WDFY4: variants seen among roughly 807,000 people sequenced by gnomAD.
WDFY4 encodes the protein WDFY family member 4.
A neutral mutation model predicts 351.9 loss-of-function variants in WDFY4; 169 were observed. The ratio of observed to expected loss-of-function variants is 0.48; its 90% confidence interval spans 0.42 to 0.55. The LOEUF is 0.55. Ranked by LOEUF, WDFY4 falls within the 20% of genes least tolerant of loss-of-function variation. WDFY4 has a pLI of 0.00. For missense variants in WDFY4, 3,803 were observed against 3,935.6 expected (o/e 0.97, Z 0.90); for synonymous variants, 1,622 against 1,574.6 (o/e 1.03, Z -0.71).
intron 11 of WDFY4, among the ~76,000 whole-genome samples, chr10:48,741,590 T>C (rs2064852693): frequency 1.3e-5 from 2 of 152,178 alleles, no homozygotes; most frequent in South Asian, 4.1e-4. Context: ...CATGTTTTTC[T>C]GAGCTACCAG....
chr10:48,910,360 C>T, intron 47 of WDFY4: 2 of 1,010,020 alleles, frequency 2.0e-6, no homozygotes, highest in South Asian at 2.5e-5. Context: ...CATGCCTGAC[C>T]TTCAGGATGG....
At chr10:48,849,827 C>A (rs1006077721) in intron 39 of WDFY4, among the ~76,000 whole-genome samples, 1 of 152,166 alleles carries the variant, frequency 6.6e-6, no homozygotes, top group Non-Finnish European at 1.5e-5. Context: ...TATCTGCTAA[C>A]CCAGAATTCA....
intron 43 of WDFY4, among the ~76,000 whole-genome samples, chr10:48,882,134 C>A (rs2070276290): frequency 6.6e-6 from 1 of 152,166 alleles, no homozygotes; most frequent in South Asian, 2.1e-4. Flanking sequence ...TGCAGCCAGG[C>A]CTGGGTCTGC....
At chr10:48,749,500 C>G (rs1430236308) in intron 12 of WDFY4, among the ~76,000 whole-genome samples, 4 of 152,010 alleles carry the variant, frequency 2.6e-5, no homozygotes, top group Non-Finnish European at 5.9e-5. Context: ...CATACAGACA[C>G]CACACGACAC....
At chr10:48,981,638 A>G (rs1296713653) in intron 61 of WDFY4, among the ~76,000 whole-genome samples, 160 bp downstream of exon 61, 2 of 152,244 alleles carry the variant, frequency 1.3e-5, no homozygotes, top group African/African-American at 4.8e-5. Context: ...GTGGCCATAT[A>G]GAGCCCCAGG....
At chr10:48,783,446 C>T (rs930936057) in intron 19 of WDFY4, among the ~76,000 whole-genome samples, 2 of 151,174 alleles carry the variant, frequency 1.3e-5, no homozygotes, top group South Asian at 2.1e-4. Context: ...ATATGCAGGG[C>T]CAATTGTACA....
intron 23 of WDFY4, among the ~76,000 whole-genome samples, chr10:48,793,131 A>G (rs2066738105): frequency 6.6e-6 from 1 of 152,212 alleles, no homozygotes; most frequent in African/African-American, 2.4e-5. Context: ...AATTGATCAA[A>G]TGCTTCCTAA....
In WDFY4 at chr10:48,820,321, A is replaced by C; in HGVS notation, c.5593A>C (p.Thr1865Pro). The change falls in exon 33 of 62, where the codon ACC (threonine) becomes CCC (proline). Residue 1865 changes from threonine (T) to proline (P), a missense_variant. Coordinates refer to ENST00000325239, the MANE Select transcript of WDFY4 (RefSeq NM_001394531.1). ...DSTVEGLQAPTKAHPARRKLR... is the reference protein window; with the variant it reads ...DSTVEGLQAPPKAHPARRKLR... ...CACAGTGGAGGGTCTCCAGGCTCCC[A>C]CCAAGGCACATCCCGCCCGGAGGAA... The C allele has an allele frequency of 1.3e-6, 2 of 1,551,578 alleles. No homozygotes were observed. The highest frequency in any genetic ancestry group is 1.7e-6 in the Non-Finnish European group (2 of 1,146,978).
chr10:48,785,206 T>C (rs543890109), intron 19 of WDFY4, among the ~76,000 whole-genome samples: 24 of 152,246 alleles, frequency 1.6e-4, no homozygotes, highest in African/African-American at 5.5e-4. Context: ...AATGTATACA[T>C]ATATGTGTAT....
chr10:48,749,652 G>C (rs1385002943), intron 12 of WDFY4, among the ~76,000 whole-genome samples: 2 of 152,196 alleles, frequency 1.3e-5, no homozygotes, highest in Non-Finnish European at 2.9e-5. Context: ...GTCAGACTGT[G>C]GTGGGCCTTG....
intron 58 of WDFY4, among the ~76,000 whole-genome samples, chr10:48,975,604 G>A (rs1158394899): frequency 6.6e-6 from 1 of 152,192 alleles, no homozygotes; most frequent in Non-Finnish European, 1.5e-5. Context: ...CAAAAGAGGA[G>A]GGATGATATA....
chr10:48,834,206 G>A (rs1385918036), intron 39 of WDFY4, among the ~76,000 whole-genome samples: 1 of 152,106 alleles, frequency 6.6e-6, no homozygotes, highest in African/African-American at 2.4e-5. Context: ...AACTCACTCA[G>A]ATTTTGTAAT....
chr10:48,734,979 C>T (rs145193861), intron 10 of WDFY4, among the ~76,000 whole-genome samples: 2,633 of 131,200 alleles, frequency 0.02, 75 homozygotes, highest in African/African-American at 0.071. Flanking sequence ...TTAGTAGAGA[C>T]GGGGCTTTAC....
intron 31 of WDFY4, among the ~76,000 whole-genome samples, chr10:48,816,932 A>G (rs2067638933): frequency 6.6e-6 from 1 of 152,234 alleles, no homozygotes; most frequent in African/African-American, 2.4e-5. Flanking sequence ...TACCCAATAC[A>G]GTAGACAAGT....
intron 47 of WDFY4, among the ~76,000 whole-genome samples, chr10:48,916,526 G>A (rs1838550654): frequency 6.6e-6 from 1 of 152,128 alleles, no homozygotes; most frequent in Non-Finnish European, 1.5e-5. Flanking sequence ...GGGTTGCTTT[G>A]TTTTCTCTAC....
chr10:48,981,370 A>C lies in WDFY4; in HGVS notation c.9380A>C (p.His3127Pro). Reference protein sequence around the residue: ...PPAQPPSPRGHKWEKNLALSR... With the variant: ...PPAQPPSPRGPKWEKNLALSR... The stretch of plus-strand genomic sequence containing the variant: ...TTCTCTCACATGCTCCACACAGGCC[A>C]CAAGTGGGAGAAGAACCTGGCCTTG... The change falls in exon 61 of 62, where the codon CAC becomes CCC. Residue 3127 changes from histidine (H) to proline (P), a missense_variant. Coordinates refer to ENST00000325239, the MANE Select transcript of WDFY4 (RefSeq NM_001394531.1). 6.4e-7 allele frequency: 1 copy of C among 1,551,732 alleles called. No homozygotes were observed. The highest frequency in any genetic ancestry group is 8.7e-7 in the Non-Finnish European group (1 of 1,146,988).
At chr10:48,777,574 T>G in intron 17 of WDFY4, 79 bp downstream of exon 17, 1 of 1,349,880 alleles carries the variant, frequency 7.4e-7, no homozygotes, top group Non-Finnish European at 1.0e-6. Context: ...TTGCAGATTT[T>G]TACTTGGTGT....
chr10:48,730,240 A>C (rs80332987), intron 8 of WDFY4, among the ~76,000 whole-genome samples: 2,061 of 152,348 alleles, frequency 0.014, 20 homozygotes, highest in Non-Finnish European at 0.023. Context: ...CAGTCTGGGG[A>C]ATAAATGGTG....
intron 39 of WDFY4, among the ~76,000 whole-genome samples, chr10:48,847,547 G>A (rs1316428812): frequency 6.6e-6 from 1 of 151,982 alleles, no homozygotes; most frequent in Non-Finnish European, 1.5e-5. Flanking sequence ...CTGCCTGAGG[G>A]GGTGTGAGTC....
Sources: allele counts gnomAD v4.1 joint callset (sites outside exome capture counted in the v4.1 genomes callset), GRCh38; gene constraint gnomAD v4.1.1; transcripts MANE v1.5; gene names NCBI Gene and HGNC (gene_info 2026-07-23, HGNC 2026-07-21).